ANO3: variants seen among roughly 807,000 people sequenced by gnomAD.
ANO3 encodes the protein anoctamin-3.
A neutral mutation model predicts 144.8 loss-of-function variants in ANO3; 99 were observed. That is an observed-to-expected ratio of 0.68 (90% CI 0.58 to 0.81). The LOEUF is 0.81. ANO3 is among the 30% of genes least tolerant of loss of function. The pLI is 0.00. For synonymous variants in ANO3, 414 were observed against 392.6 expected (o/e 1.05, Z -0.64); for missense variants, 905 against 1,202.2 (o/e 0.75, Z 3.66).
chr11:26,334,596 A>G (rs961330466), intron 1 of ANO3, among the ~76,000 whole-genome samples: 4 of 152,210 alleles, frequency 2.6e-5, no homozygotes, highest in African/African-American at 9.6e-5. Context: ...TTTGCTTCAT[A>G]CATAACATGA....
At chr11:26,443,055 C>T (rs1046200038) in intron 2 of ANO3, among the ~76,000 whole-genome samples, 1 of 152,070 alleles carries the variant, frequency 6.6e-6, no homozygotes, top group Admixed American at 6.5e-5. Flanking sequence ...TGAGCCACTG[C>T]ACCCAGCCAT....
Position 26,537,400 on chromosome 11 carries a change from T to C in ANO3, c.977-6T>C, listed in dbSNP as rs3802751. ...CTCAATAACTGTCCTTTTCTTCTCT[T>C]TGCAGGTATCCGTAAACTTATAAAC... is the stretch of plus-strand genomic sequence containing the variant. On this transcript the variant is annotated splice_region_variant and splice_polypyrimidine_tract_variant and intron_variant, in intron 9 of 26. Transcript: ENST00000256737. 5.7e-3 allele frequency: 9,200 copies of C among 1,610,656 alleles called. 311 individuals are homozygous for C. In the East Asian group the frequency reaches 0.1, roughly 18 times the overall value.
At chr11:26,612,334 T>C (rs182795477) in intron 17 of ANO3, among the ~76,000 whole-genome samples, 14 of 152,056 alleles carry the variant, frequency 9.2e-5, no homozygotes, top group African/African-American at 3.1e-4. Context: ...GATGTATTAT[T>C]TTAAGATTTA....
chr11:26,547,380 C>A (rs571844468), intron 11 of ANO3, 36 bp from the exon 12 acceptor site: 4 of 1,601,668 alleles, frequency 2.5e-6, no homozygotes, highest in African/African-American at 1.3e-5. Context: ...GCTTATGTTG[C>A]CTTAACTCAG....
intron 1 of ANO3, among the ~76,000 whole-genome samples, chr11:26,274,355 T>C (rs922500844): frequency 6.6e-6 from 1 of 152,146 alleles, no homozygotes; most frequent in African/African-American, 2.4e-5. Context: ...TGGTTCATAA[T>C]ATTTCATCAT....
At chr11:26,635,203 G>A (rs1323052280) in intron 20 of ANO3, 133 bp downstream of exon 20, 2 of 693,802 alleles carry the variant, frequency 2.9e-6, no homozygotes, top group Admixed American at 2.5e-5. Context: ...TGTTCAGAAA[G>A]GAAGCAACTA....
chr11:26,241,040 G>T (rs914692215), intron 1 of ANO3, among the ~76,000 whole-genome samples: 1 of 152,146 alleles, frequency 6.6e-6, no homozygotes, highest in Non-Finnish European at 1.5e-5. Context: ...AATCATGGGG[G>T]CAGGTCTTTC....
upstream of ANO3, chr11:26,332,038 G>T (rs1010438630): frequency 2.3e-6 from 3 of 1,282,038 alleles, no homozygotes; most frequent in South Asian, 1.6e-5. Context: ...CGGGGGATGC[G>T]GGGTTGTTCC....
At chr11:26,303,592 G>A (rs1048416258) in intron 1 of ANO3, among the ~76,000 whole-genome samples, 6 of 152,124 alleles carry the variant, frequency 3.9e-5, no homozygotes, top group Non-Finnish European at 2.9e-5. Flanking sequence ...TGCCTATTGA[G>A]TACTATGCTC....
At chr11:26,631,831 C>CA (rs531891848) in intron 18 of ANO3, among the ~76,000 whole-genome samples, 5 of 151,854 alleles carry the variant, frequency 3.3e-5, no homozygotes, top group South Asian at 4.2e-4. Context: ...GTATAGATAG[C>CA]AAAAAAATGA....
At chr11:26,340,176 G>T (rs1288256741) in intron 1 of ANO3, among the ~76,000 whole-genome samples, 1 of 152,118 alleles carries the variant, frequency 6.6e-6, no homozygotes, top group South Asian at 2.1e-4. Context: ...AACTCCTAAA[G>T]TTGTGTATTT....
At chr11:26,405,954 T>C (rs546800396) in intron 1 of ANO3, among the ~76,000 whole-genome samples, 1 of 151,942 alleles carries the variant, frequency 6.6e-6, no homozygotes, top group East Asian at 2.0e-4. Context: ...AAGCATTGTG[T>C]TTCCAGTGGT....
chr11:26,539,133 TACAC>T (rs68138224), intron 10 of ANO3, among the ~76,000 whole-genome samples: 2,756 of 149,212 alleles, frequency 0.018, 48 homozygotes, highest in African/African-American at 0.035. Flanking sequence ...ACAAGAGAAA[TACAC>T]ACACACACAC....
intron 4 of ANO3, among the ~76,000 whole-genome samples, chr11:26,502,735 C>T (rs745369037): frequency 6.6e-6 from 1 of 151,266 alleles, no homozygotes; most frequent in Non-Finnish European, 1.5e-5. Flanking sequence ...CCTATAACTG[C>T]AAGTATATGA....
chr11:26,319,057 G>C (rs1268913107), intron 1 of ANO3, among the ~76,000 whole-genome samples: 2 of 151,922 alleles, frequency 1.3e-5, no homozygotes. Flanking sequence ...GCTCACTGTA[G>C]CCTCAAGCTC....
chr11:26,662,755 T>C lies in ANO3; in HGVS notation c.*2311T>C, dbSNP rs1241159902. Reference sequence around the variant, plus strand: ...AAAAAGAAAAAATTGTCTGAAATGTTTATTTTGCAAAACAGTGCAATAGAA... The same window carrying C: ...AAAAAGAAAAAATTGTCTGAAATGTCTATTTTGCAAAACAGTGCAATAGAA... On this transcript the variant is annotated 3_prime_UTR_variant, in exon 27 of 27. Transcript: ENST00000256737. 2 of 152,218 alleles carry C rather than the reference T, an allele frequency of 1.3e-5. No individual in the cohort carries two copies. The highest frequency in any genetic ancestry group is 3.8e-4 in the East Asian group (2 of 5,196). 9.4% of individuals were successfully genotyped at this position (152,218 alleles called of 1,614,324 possible).
intron 1 of ANO3, among the ~76,000 whole-genome samples, chr11:26,196,905 A>C (rs1851600322): frequency 1.3e-5 from 2 of 152,216 alleles, no homozygotes; most frequent in South Asian, 2.1e-4. Context: ...GACATTGTAC[A>C]AGCATAAAAA....
chr11:26,235,029 G>GAGAGA (rs1852488256), intron 1 of ANO3, among the ~76,000 whole-genome samples: 1 of 86,024 alleles, frequency 1.2e-5, no homozygotes, highest in Non-Finnish European at 3.1e-5. Flanking sequence ...AGAGAGATGA[G>GAGAGA]GGGAGAGCGA....
rs1050916654 is a variant in ANO3 at position 26,656,314 on chromosome 11, A to G, written c.2658-62A>G. On this transcript the variant is annotated intron_variant, in intron 25 of 26. Transcript: ENST00000256737. ...TATTTTGGCATTTTGGCAAATCAAG[A>G]AAATTTGGGCCTCCACTCTTTGATC... 3 of 1,489,680 alleles carry G rather than the reference A, an allele frequency of 2.0e-6. No homozygotes were observed. The African/African-American group carries it at 4.1e-5, about 21-fold the overall frequency. 92.3% of individuals were successfully genotyped at this position (1,489,680 alleles called of 1,614,324 possible). A position where few individuals can be genotyped will look rare whatever the true frequency, so the allele number is the denominator to read the frequency against.
Sources: allele counts gnomAD v4.1 joint callset (sites outside exome capture counted in the v4.1 genomes callset), GRCh38; gene constraint gnomAD v4.1.1; transcripts MANE v1.5; gene names NCBI Gene and HGNC (gene_info 2026-07-23, HGNC 2026-07-21).